The following SLC1A1 variants were observed in gnomAD, a reference collection of about 807,000 sequenced individuals.
The protein encoded by SLC1A1 is excitatory amino acid transporter 3.
A neutral mutation model predicts 53.3 loss-of-function variants in SLC1A1; 43 were observed. The ratio of observed to expected loss-of-function variants is 0.81; its 90% CI spans 0.63 to 1.04. SLC1A1 has a LOEUF of 1.04. Among genes scored for constraint, SLC1A1 ranks in the 50% least tolerant of loss-of-function variants. SLC1A1 has a pLI of 0.00. For synonymous variants in SLC1A1, 307 were observed against 243.2 expected (o/e 1.26, Z -2.44); for missense variants, 748 against 664.9 (o/e 1.12, Z -1.37).
intron 1 of SLC1A1, among the ~76,000 whole-genome samples, chr9:4,538,300 A>G (rs1265797731): frequency 6.6e-6 from 1 of 152,238 alleles, no homozygotes; most frequent in Admixed American, 6.5e-5. Context: ...GACAACTTGA[A>G]GCAGGCAGGC....
intron 2 of SLC1A1, chr9:4,554,066 C>T (rs1818163332): frequency 6.6e-6 from 1 of 152,134 alleles, no homozygotes; most frequent in Admixed American, 6.5e-5. Flanking sequence ...CTCATAGCAG[C>T]CCTATGAAGT....
At chr9:4,538,075 A>G (rs1012886672) in intron 1 of SLC1A1, among the ~76,000 whole-genome samples, 3 of 152,176 alleles carry the variant, frequency 2.0e-5, no homozygotes, top group African/African-American at 4.8e-5. Flanking sequence ...AAGGCCTGAC[A>G]TATAGTATGT....
chr9:4,566,365 A>G (rs1486294694), intron 5 of SLC1A1, among the ~76,000 whole-genome samples: 2 of 152,228 alleles, frequency 1.3e-5, no homozygotes, highest in African/African-American at 2.4e-5. Flanking sequence ...AATCTGTCAA[A>G]TAATGAGTAT....
intron 1 of SLC1A1, among the ~76,000 whole-genome samples, chr9:4,530,246 G>A (rs1015981101): frequency 6.6e-6 from 1 of 152,078 alleles, no homozygotes; most frequent in Non-Finnish European, 1.5e-5. Context: ...GATCTCTCAT[G>A]GTGGGCAATG....
rs1030997564 is a variant in SLC1A1, at chr9:4,556,652, A to G, written c.233-4797A>G. On this transcript the variant is annotated intron_variant, in intron 2 of 11. Coordinates refer to ENST00000262352, the MANE Select transcript of SLC1A1 (RefSeq NM_004170.6). This position sits in a 1 kb window ranked among gnomAD's most constrained non-coding sequence, Gnocchi z 4.1. ...AAGTTGGGCCTGATCTTCGACGTCAACGCCAGTTAAGAGTCTAATGCCTGG... is the reference window on the plus strand; with the variant it reads ...AAGTTGGGCCTGATCTTCGACGTCAGCGCCAGTTAAGAGTCTAATGCCTGG... Among the ~76,000 whole-genome samples the G allele has an allele frequency of 6.6e-6, 1 of 152,210 alleles. No individual in the cohort carries two copies. The highest frequency in any genetic ancestry group is 1.5e-5 in the Non-Finnish European group (1 of 68,038).
chr9:4,579,070 C>T (rs1056547788), intron 10 of SLC1A1, among the ~76,000 whole-genome samples: 2 of 152,182 alleles, frequency 1.3e-5, no homozygotes, highest in Non-Finnish European at 1.5e-5. Context: ...AACCCTAAAT[C>T]GCAAAGTATT....
At chr9:4,568,112 T>G (rs1256682252) in intron 6 of SLC1A1, among the ~76,000 whole-genome samples, 3 of 152,188 alleles carry the variant, frequency 2.0e-5, no homozygotes, top group Non-Finnish European at 4.4e-5. Context: ...TTTTTCTTGC[T>G]GATTTCGCTG....
chr9:4,542,422 C>A (rs544003907), intron 1 of SLC1A1, among the ~76,000 whole-genome samples: 2 of 152,224 alleles, frequency 1.3e-5, no homozygotes, highest in East Asian at 3.9e-4. Context: ...TTTCTAATGA[C>A]CCTACATTAA....
chr9:4,580,731 A>ATAG (rs1298426147), intron 10 of SLC1A1, among the ~76,000 whole-genome samples: 3 of 151,500 alleles, frequency 2.0e-5, no homozygotes, highest in Admixed American at 6.6e-5. Flanking sequence ...AGCAGTAGTA[A>ATAG]TAGTAGTAGT....
At chr9:4,526,157 A>G (rs868612223) in intron 1 of SLC1A1, among the ~76,000 whole-genome samples, 1 of 152,124 alleles carries the variant, frequency 6.6e-6, no homozygotes, top group Non-Finnish European at 1.5e-5. Flanking sequence ...ACTCACAAAG[A>G]TAATGATAAT....
chr9:4,536,579 T>C (rs181424357), intron 1 of SLC1A1, among the ~76,000 whole-genome samples: 51 of 152,266 alleles, frequency 3.3e-4, no homozygotes, highest in Non-Finnish European at 6.8e-4. Context: ...ACAGGAACAC[T>C]TTTACACTGT....
chr9:4,499,528 T>G (rs1820564318), intron 1 of SLC1A1, among the ~76,000 whole-genome samples: 1 of 152,220 alleles, frequency 6.6e-6, no homozygotes, highest in African/African-American at 2.4e-5. Flanking sequence ...ATCACTGAAA[T>G]GATTCTGATT....
intron 1 of SLC1A1, among the ~76,000 whole-genome samples, chr9:4,496,286 C>T (rs1820417275): frequency 6.6e-6 from 1 of 152,050 alleles, no homozygotes; most frequent in Non-Finnish European, 1.5e-5. Flanking sequence ...GTTGGGGATA[C>T]AAAGGACAGG....
At chr9:4,510,408 T>C (rs779826442) in intron 1 of SLC1A1, among the ~76,000 whole-genome samples, 1 of 152,208 alleles carries the variant, frequency 6.6e-6, no homozygotes, top group Non-Finnish European at 1.5e-5. Context: ...TTTAGGACTC[T>C]TCTAATTGTA....
At chr9:4,491,203 T>A (rs113453955) in intron 1 of SLC1A1, among the ~76,000 whole-genome samples, 1 of 152,168 alleles carries the variant, frequency 6.6e-6, no homozygotes, top group Non-Finnish European at 1.5e-5. Context: ...GGATTACAGT[T>A]CTCAGTCGAA....
intron 1 of SLC1A1, among the ~76,000 whole-genome samples, chr9:4,533,398 G>C (rs1816551786): frequency 1.3e-5 from 2 of 152,020 alleles, no homozygotes; most frequent in African/African-American, 4.8e-5. Context: ...AACAAAAAAA[G>C]GCAGGGGTTG....
chr9:4,576,253 G>T, intron 9 of SLC1A1, 130 bp downstream of exon 9: 1 of 888,146 alleles, frequency 1.1e-6, no homozygotes. Context: ...CGTATTCTCG[G>T]CCCCTGGCCC....
At chr9:4,498,784 T>C (rs1008686275) in intron 1 of SLC1A1, among the ~76,000 whole-genome samples, 1 of 150,858 alleles carries the variant, frequency 6.6e-6, no homozygotes, top group Admixed American at 6.6e-5. Context: ...GAGTTGCTAG[T>C]GAGTTAAGTT....
chr9:4,523,267 C>A (rs1186679446), intron 1 of SLC1A1, among the ~76,000 whole-genome samples: 2 of 152,094 alleles, frequency 1.3e-5, no homozygotes, highest in African/African-American at 4.8e-5. Context: ...TAACACAGGT[C>A]CTTGGACATA....
Sources: gnomAD v4.1 joint callset for allele counts (sites outside exome capture counted in the v4.1 genomes callset) on GRCh38, gnomAD v4.1.1 for gene constraint, Gnocchi (gnomAD v3.1) non-coding constraint, MANE v1.5 for transcripts, NCBI Gene and HGNC (gene_info 2026-07-23, HGNC 2026-07-21) for gene names.